Variants in FBXW12 observed in about 807,000 individuals in gnomAD.
The protein encoded by FBXW12 is F-box/WD repeat-containing protein 12.
In FBXW12, 43 loss-of-function variants were observed where a neutral mutation model predicts 55.3. That is an observed-to-expected ratio of 0.78 (90% CI 0.61 to 1.00). The LOEUF (loss-of-function observed/expected upper bound fraction) is 1.00. Ranked by LOEUF, FBXW12 falls within the 50% of genes least tolerant of loss-of-function variation. FBXW12 has a pLI of 0.00. For missense variants in FBXW12, 524 were observed against 560.5 expected, an observed-to-expected ratio of 0.93 and a Z score of 0.66; for synonymous variants, 184 against 203.8, an observed-to-expected ratio of 0.90 and a Z score of 0.83.
chr3:48,381,595 G>T, intron 8 of FBXW12, 105 bp from the exon 9 acceptor site: 2 of 1,268,398 alleles, frequency 1.6e-6, no homozygotes, highest in East Asian at 2.5e-5. Context: ...TGTGGAAGTG[G>T]GGACTATGCT....
intron 10 of FBXW12, among the ~76,000 whole-genome samples, chr3:48,382,458 G>GA (rs1296978794): frequency 4.0e-5 from 5 of 126,530 alleles, no homozygotes; most frequent in Non-Finnish European, 9.2e-5. Flanking sequence ...GGGAAAACAG[G>GA]GGTTTTTTTT....
chr3:48,391,355 C>CATAT (rs1553794181), intron 10 of FBXW12, among the ~76,000 whole-genome samples: 121 of 141,620 alleles, frequency 8.5e-4, no homozygotes, highest in South Asian at 4.5e-3. Context: ...CACACACACA[C>CATAT]ATATATATAT....
chr3:48,391,355 C>CAT (rs1553794181), intron 10 of FBXW12, among the ~76,000 whole-genome samples: 56,571 of 140,326 alleles, frequency 0.4, 12,028 homozygotes, highest in South Asian at 0.57. Context: ...CACACACACA[C>CAT]ATATATATAT....
intron 6 of FBXW12, among the ~76,000 whole-genome samples, chr3:48,379,142 TG>T (rs1191943381): frequency 6.6e-6 from 1 of 152,208 alleles, no homozygotes; most frequent in Non-Finnish European, 1.5e-5. Context: ...GAGATGGCTT[TG>T]GGGTGACATT....
intron 10 of FBXW12, among the ~76,000 whole-genome samples, chr3:48,390,986 G>A (rs2036916827): frequency 6.6e-6 from 1 of 151,350 alleles, no homozygotes; most frequent in Non-Finnish European, 1.5e-5. Context: ...GAATCATATT[G>A]TCTTGGAGCA....
At chr3:48,391,446 C>T (rs745794937) in intron 10 of FBXW12, among the ~76,000 whole-genome samples, 62 of 151,772 alleles carry the variant, frequency 4.1e-4, no homozygotes, top group Admixed American at 7.9e-4. Context: ...ATTTCTTTCT[C>T]TTGGCTGGCT....
intron 1 of FBXW12, 131 bp downstream of exon 1, chr3:48,372,451 A>G (rs2036615751): frequency 2.5e-6 from 3 of 1,207,960 alleles, no homozygotes; most frequent in Non-Finnish European, 2.3e-6. Flanking sequence ...TGACAACTTC[A>G]TCTGCAACTG....
Position 48,380,682 on chromosome 3 carries a change from G to A in FBXW12, c.775-20G>A, listed in dbSNP as rs1560031782. 6.3e-7 allele frequency: 1 copy of A among 1,583,016 alleles called. No individual in the cohort carries two copies. On this transcript the variant is annotated intron_variant, in intron 7 of 10. Transcript: ENST00000296438. ...CTATAAGTTCCCTGCCCCTGACCAT[G>A]CATGCGATGCTCTCTTTAGGTATTC...
intron 10 of FBXW12, 42 bp from the exon 11 acceptor site, chr3:48,394,518 T>C: frequency 1.7e-6 from 2 of 1,156,772 alleles, no homozygotes; most frequent in South Asian, 2.6e-5. Context: ...ATGTACCTAC[T>C]TTCTCTTTTG....
intron 10 of FBXW12, among the ~76,000 whole-genome samples, chr3:48,392,450 CAAAAAAA>C (rs33965777): frequency 1.1e-4 from 8 of 72,678 alleles, no homozygotes; most frequent in African/African-American, 4.4e-4. Flanking sequence ...CACTCAGTCT[CAAAAAAA>C]AAAAAAAAAA....
intron 1 of FBXW12, 54 bp downstream of exon 1, chr3:48,372,374 A>G: frequency 3.9e-6 from 6 of 1,531,006 alleles, no homozygotes; most frequent in Non-Finnish European, 5.3e-6. Context: ...TGGAACTTAA[A>G]TAGAGTCATA....
chr3:48,379,333 T>C lies in FBXW12; in HGVS notation c.616-67T>C, dbSNP rs1575359877. On this transcript the variant is annotated intron_variant, in intron 6 of 10. Transcript: ENST00000296438. ...TGGCATATCTTGCAGCTCATAGTGCTGCCTCCTCTGTACTTCAGGATTTCA... is the reference window on the plus strand; with the variant it reads ...TGGCATATCTTGCAGCTCATAGTGCCGCCTCCTCTGTACTTCAGGATTTCA... The C allele has an allele frequency of 5.5e-6, 8 of 1,459,422 alleles. No individual in the cohort carries two copies. The East Asian group carries it at 1.6e-4, about 29-fold the overall frequency. The allele number at this position is 1,459,422 out of a possible 1,614,324, so 90.4% of individuals were successfully genotyped here. A position where few individuals can be genotyped will look rare whatever the true frequency, so the allele number is the denominator to read the frequency against.
At chr3:48,377,426 G>A (rs2036699924) in intron 5 of FBXW12, among the ~76,000 whole-genome samples, 1 of 152,128 alleles carries the variant, frequency 6.6e-6, no homozygotes, top group South Asian at 2.1e-4. Flanking sequence ...GTGTGGTGAG[G>A]GACTGAGGAC....
intron 3 of FBXW12, 61 bp downstream of exon 3, chr3:48,373,406 T>C: frequency 6.2e-7 from 1 of 1,613,652 alleles, no homozygotes; most frequent in South Asian, 1.1e-5. Flanking sequence ...TGCGCACCCA[T>C]GCTGTGTCCC....
At chr3:48,379,370 A>G (rs773595862) in intron 6 of FBXW12, 30 bp from the exon 7 acceptor site, 4 of 1,607,784 alleles carry the variant, frequency 2.5e-6, no homozygotes, top group Non-Finnish European at 1.7e-6. Context: ...ATATCTTCCT[A>G]TTGATATGGT....
chr3:48,393,839 C>T (rs930587305), intron 10 of FBXW12, among the ~76,000 whole-genome samples: 1 of 148,204 alleles, frequency 6.7e-6, no homozygotes, highest in South Asian at 2.1e-4. Flanking sequence ...AGTGCAGTAG[C>T]GCGATCTCGG....
rs1371658580 is a variant in FBXW12 at position 48,372,665 on chromosome 3, G to A, written c.-84-19G>A. 1.2e-6 allele frequency: 2 copies of A among 1,602,324 alleles called. No individual in the cohort carries two copies. Among genetic ancestry groups the A allele is most frequent in the Admixed American group, 1.7e-5 (1 of 59,564 alleles). On this transcript the variant is annotated intron_variant, in intron 1 of 10. Coordinates refer to ENST00000296438, the MANE Select transcript of FBXW12 (RefSeq NM_207102.2). ...GTTTCTACCGCACACAGATGGGCATGGGTGAAAATCTTTACAAGTGCTGCA... is the reference window on the plus strand; with the variant it reads ...GTTTCTACCGCACACAGATGGGCATAGGTGAAAATCTTTACAAGTGCTGCA...
chr3:48,387,655 C>T (rs1052102943), intron 10 of FBXW12, among the ~76,000 whole-genome samples: 8 of 152,148 alleles, frequency 5.3e-5, no homozygotes, highest in African/African-American at 1.9e-4. Context: ...TCAAGTGATC[C>T]TCCCACCTCA....
At chr3:48,390,524 C>T (rs2036909224) in intron 10 of FBXW12, among the ~76,000 whole-genome samples, 1 of 151,416 alleles carries the variant, frequency 6.6e-6, no homozygotes, top group Non-Finnish European at 1.5e-5. Context: ...AAAAGATCCC[C>T]CTGCGTCAGC....
Sources: allele counts gnomAD v4.1 joint callset (sites outside exome capture counted in the v4.1 genomes callset), GRCh38; gene constraint gnomAD v4.1.1; transcripts MANE v1.5; gene names NCBI Gene and HGNC (gene_info 2026-07-23, HGNC 2026-07-21).